MTUS2: variants seen among roughly 807,000 people sequenced by gnomAD.
The protein encoded by MTUS2 is microtubule associated scaffold protein 2, also known as microtubule-associated tumor suppressor candidate 2.
A neutral mutation model predicts 114.1 loss-of-function variants in MTUS2; 40 were observed. That is an observed-to-expected ratio of 0.35 (90% CI 0.27 to 0.46). The LOEUF is 0.46. Among genes scored for constraint, MTUS2 ranks in the 20% least tolerant of loss-of-function variants. The pLI, the probability that MTUS2 is intolerant of heterozygous loss-of-function variation, is 1.00. For synonymous variants in MTUS2, 688 were observed against 672.0 expected (o/e 1.02, Z -0.37); for missense variants, 1,679 against 1,705.4 (o/e 0.98, Z 0.27).
chr13:29,442,879 C>T (rs1021301143), intron 9 of MTUS2, among the ~76,000 whole-genome samples: 3 of 152,012 alleles, frequency 2.0e-5, no homozygotes, highest in Non-Finnish European at 4.4e-5. Context: ...GCAGTGTTAC[C>T]CCCTGTAATT....
chr13:29,159,000 G>C (rs1457485120), intron 5 of MTUS2, among the ~76,000 whole-genome samples: 2 of 152,184 alleles, frequency 1.3e-5, no homozygotes, highest in Non-Finnish European at 2.9e-5. Flanking sequence ...TCTAAGAGCA[G>C]ATTTCCTAAA....
intron 9 of MTUS2, among the ~76,000 whole-genome samples, chr13:29,475,496 TAGG>T (rs1170801816): frequency 1.3e-5 from 2 of 152,216 alleles, no homozygotes; most frequent in East Asian, 3.9e-4. Flanking sequence ...ATTGTTTTCC[TAGG>T]AGATGACAGC....
chr13:28,866,311 TTC>T (rs1440537726), intron 2 of MTUS2, among the ~76,000 whole-genome samples: 1 of 152,212 alleles, frequency 6.6e-6, no homozygotes, highest in Non-Finnish European at 1.5e-5. Flanking sequence ...TGACTTTTTC[TTC>T]TCTCTTGTGA....
At chr13:29,302,947 G>C (rs118155999) in intron 6 of MTUS2, among the ~76,000 whole-genome samples, 3,187 of 152,354 alleles carry the variant, frequency 0.021, 47 homozygotes, top group Non-Finnish European at 0.029. Context: ...TCCAGAGGAA[G>C]GAGCTGGCTG....
chr13:29,046,963 TG>T (rs1887649997), intron 4 of MTUS2, among the ~76,000 whole-genome samples: 1 of 152,078 alleles, frequency 6.6e-6, no homozygotes, highest in Non-Finnish European at 1.5e-5. Flanking sequence ...CCCCAGCCAA[TG>T]GGGAAAGGGT....
intron 5 of MTUS2, among the ~76,000 whole-genome samples, chr13:29,275,800 T>G (rs911423479): frequency 7.2e-5 from 11 of 152,190 alleles, no homozygotes; most frequent in Non-Finnish European, 1.3e-4. Context: ...CTTCCAAATT[T>G]TGGCAGTTGT....
chr13:29,017,926 A>T (rs1886134424), intron 2 of MTUS2, among the ~76,000 whole-genome samples: 1 of 152,232 alleles, frequency 6.6e-6, no homozygotes, highest in South Asian at 2.1e-4. Context: ...TATAACTGTA[A>T]TAAAAAGACA....
At chr13:29,198,412 C>G (rs1023075563) in intron 5 of MTUS2, among the ~76,000 whole-genome samples, 19 of 152,180 alleles carry the variant, frequency 1.2e-4, no homozygotes, top group African/African-American at 4.3e-4. Context: ...GGCCTCTGTT[C>G]TGTTCCATTG....
At chr13:29,237,813 C>T (rs1414808884) in intron 5 of MTUS2, among the ~76,000 whole-genome samples, 1 of 152,100 alleles carries the variant, frequency 6.6e-6, no homozygotes, top group Non-Finnish European at 1.5e-5. Context: ...TGAAAGTGTG[C>T]TCAACTTCAT....
intron 2 of MTUS2, among the ~76,000 whole-genome samples, chr13:28,925,323 CCTGTATTTTT>C (rs1265645238): frequency 6.6e-6 from 1 of 152,064 alleles, no homozygotes. Flanking sequence ...TGGTTAAGTT[CCTGTATTTTT>C]CTGTTTTATG....
At chr13:28,846,046 T>TAA (rs34933871) in intron 2 of MTUS2, among the ~76,000 whole-genome samples, 8,402 of 119,856 alleles carry the variant, frequency 0.07, 322 homozygotes, top group Middle Eastern at 0.16. Context: ...GTCTTTTTCT[T>TAA]AAAAAAAAAA....
intron 5 of MTUS2, among the ~76,000 whole-genome samples, chr13:29,128,374 G>T (rs1308297950): frequency 1.3e-5 from 2 of 152,206 alleles, no homozygotes; most frequent in African/African-American, 4.8e-5. Context: ...GAGGAAACCG[G>T]TTAGGAATCG....
chr13:28,974,461 A>G (rs1883997390), intron 2 of MTUS2, among the ~76,000 whole-genome samples: 1 of 152,214 alleles, frequency 6.6e-6, no homozygotes, highest in Non-Finnish European at 1.5e-5. Context: ...TTTAGAAATC[A>G]TGAACACCAA....
In MTUS2 at chr13:29,091,463, G is replaced by C. The variant is rs191118114; in HGVS notation, c.2447-9310G>C. ...GAGTTGTCTGCTTCTAAGGAATGCC[G>C]ATCTCAGTACTCCACATTATGGCCT... On this transcript the variant is annotated intron_variant, in intron 4 of 15. Coordinates refer to ENST00000612955, the MANE Select transcript of MTUS2 (RefSeq NM_001033602.4). 2.6e-5 allele frequency among the ~76,000 whole-genome samples: 4 copies of C among 151,612 alleles called. No homozygotes were observed. The South Asian group carries it at 8.3e-4, about 32-fold the overall frequency.
intron 4 of MTUS2, among the ~76,000 whole-genome samples, chr13:29,039,903 A>G (rs1189469566): frequency 6.6e-6 from 1 of 152,204 alleles, no homozygotes; most frequent in Non-Finnish European, 1.5e-5. Flanking sequence ...CAGCCTTCCT[A>G]CATCCATGAA....
intron 8 of MTUS2, among the ~76,000 whole-genome samples, chr13:29,403,269 T>G (rs1297143783): frequency 6.6e-6 from 1 of 152,194 alleles, no homozygotes; most frequent in Non-Finnish European, 1.5e-5. Flanking sequence ...TGTGTGTTTC[T>G]TCAGCAGCTC....
chr13:28,904,963 C>T (rs1879894549), intron 2 of MTUS2, among the ~76,000 whole-genome samples: 1 of 151,398 alleles, frequency 6.6e-6, no homozygotes, highest in African/African-American at 2.4e-5. Context: ...TTGAAGAGGT[C>T]CTTCACGTCC....
chr13:29,197,205 G>T lies in MTUS2; in HGVS notation c.2645-84499G>T, dbSNP rs117091905. 5.3e-3 allele frequency among the ~76,000 whole-genome samples: 808 copies of T among 152,186 alleles called. 3 individuals are homozygous for T. The highest frequency in any genetic ancestry group is 9.5e-3 in the Non-Finnish European group (647 of 68,012). On this transcript the variant is annotated intron_variant, in intron 5 of 15. Coordinates refer to ENST00000612955, the MANE Select transcript of MTUS2 (RefSeq NM_001033602.4). Reference sequence around the variant, plus strand: ...CCATTCGTTAGGTATTTGTCCTAATGATATCCCTCCCCTTGCCCCCCATCC... The same window carrying T: ...CCATTCGTTAGGTATTTGTCCTAATTATATCCCTCCCCTTGCCCCCCATCC...
intron 8 of MTUS2, among the ~76,000 whole-genome samples, chr13:29,403,204 G>T (rs894521559): frequency 6.6e-6 from 1 of 152,134 alleles, no homozygotes; most frequent in Non-Finnish European, 1.5e-5. Flanking sequence ...ACAGACTTGT[G>T]CCTTGATAAG....
Sources: allele counts gnomAD v4.1 joint callset (sites outside exome capture counted in the v4.1 genomes callset), GRCh38; gene constraint gnomAD v4.1.1; transcripts MANE v1.5; gene names NCBI Gene and HGNC (gene_info 2026-07-23, HGNC 2026-07-21).